PDE4D: variants seen among roughly 807,000 people sequenced by gnomAD.
PDE4D encodes the protein 3',5'-cyclic-AMP phosphodiesterase 4D.
Under a neutral mutation model 87.4 loss-of-function variants are expected in PDE4D, and 24 were observed. The ratio of observed to expected loss-of-function variants is 0.27; its 90% confidence interval spans 0.20 to 0.39. The LOEUF (loss-of-function observed/expected upper bound fraction) is 0.39. Among genes scored for constraint, PDE4D ranks in the 10% least tolerant of loss-of-function variants. The pLI is 1.00. For synonymous variants in PDE4D, 384 were observed against 383.2 expected, an observed-to-expected ratio of 1.00 and a Z score of -0.02; for missense variants, 714 against 1,041.0, an observed-to-expected ratio of 0.69 and a Z score of 4.32.
At chr5:60,072,750 T>G (rs1239775556) in intron 2 of PDE4D, among the ~76,000 whole-genome samples, 1 of 152,138 alleles carries the variant, frequency 6.6e-6, no homozygotes, top group Non-Finnish European at 1.5e-5. Context: ...TCAGCATCAT[T>G]TATTGAATAG....
intron 1 of PDE4D, chr5:59,586,852 CCTT>C: frequency 1.0e-6 from 1 of 985,400 alleles, no homozygotes; most frequent in Non-Finnish European, 1.2e-6. Flanking sequence ...GCCATGCTGT[CCTT>C]TAGAAATGAA....
At chr5:59,148,634 G>C (rs1235458837) in intron 5 of PDE4D, among the ~76,000 whole-genome samples, 1 of 152,054 alleles carries the variant, frequency 6.6e-6, no homozygotes, top group African/African-American at 2.4e-5. Context: ...CATATAACCT[G>C]TCCTGTCTGG....
intron 1 of PDE4D, among the ~76,000 whole-genome samples, chr5:59,378,237 A>C (rs1785067676): frequency 2.0e-5 from 3 of 152,244 alleles, no homozygotes; most frequent in African/African-American, 7.2e-5. Flanking sequence ...TGATGTGAAC[A>C]CATGGACACA....
At chr5:60,197,725 A>G (rs565485485) in intron 1 of PDE4D, among the ~76,000 whole-genome samples, 17 of 151,804 alleles carry the variant, frequency 1.1e-4, no homozygotes, top group Non-Finnish European at 4.4e-5. Flanking sequence ...CAAACAGAAG[A>G]AAAGCAAGGC....
intron 1 of PDE4D, among the ~76,000 whole-genome samples, chr5:60,474,149 T>TATAA (rs1212803987): frequency 1.1e-5 from 1 of 94,428 alleles, no homozygotes; most frequent in African/African-American, 6.9e-5. Flanking sequence ...TATATATATA[T>TATAA]AACAAAAACC....
chr5:60,427,212 C>T (rs1743799097), intron 1 of PDE4D, among the ~76,000 whole-genome samples: 1 of 151,904 alleles, frequency 6.6e-6, no homozygotes, highest in Non-Finnish European at 1.5e-5. Flanking sequence ...TTTAGCAAAC[C>T]CCAAGAAGAA....
chr5:59,668,677 C>T (rs924133683), intron 1 of PDE4D, among the ~76,000 whole-genome samples: 2 of 150,228 alleles, frequency 1.3e-5, no homozygotes, highest in East Asian at 3.9e-4. Flanking sequence ...CACTGCACTC[C>T]AGCCTGGACA....
chr5:60,048,059 T>A (rs1211614037), intron 2 of PDE4D, among the ~76,000 whole-genome samples: 2 of 152,160 alleles, frequency 1.3e-5, no homozygotes, highest in East Asian at 3.8e-4. Flanking sequence ...CTGTATTGGG[T>A]GCATATATAT....
intron 1 of PDE4D, among the ~76,000 whole-genome samples, chr5:59,397,959 G>A (rs1354534865): frequency 8.3e-6 from 1 of 120,382 alleles, no homozygotes; most frequent in African/African-American, 3.3e-5. Context: ...ACACCTCTAT[G>A]CAAATAAACT....
intron 3 of PDE4D, among the ~76,000 whole-genome samples, chr5:59,982,370 GT>G (rs1762009643): frequency 6.6e-6 from 1 of 152,114 alleles, no homozygotes; most frequent in African/African-American, 2.4e-5. Context: ...TGAAATGTAA[GT>G]AGAGAGTTTT....
At chr5:60,361,397 A>T (rs896077805) in intron 1 of PDE4D, among the ~76,000 whole-genome samples, 1 of 152,224 alleles carries the variant, frequency 6.6e-6, no homozygotes, top group African/African-American at 2.4e-5. Flanking sequence ...TATATTAAAG[A>T]ATGAAATCAT....
chr5:59,940,635 G>C (rs1757078356), intron 3 of PDE4D, among the ~76,000 whole-genome samples: 1 of 152,110 alleles, frequency 6.6e-6, no homozygotes, highest in African/African-American at 2.4e-5. Flanking sequence ...ATTTTTGGTA[G>C]TATTTAATCA....
chr5:59,157,891 G>A (rs1205881838), intron 5 of PDE4D, among the ~76,000 whole-genome samples: 3 of 152,134 alleles, frequency 2.0e-5, no homozygotes, highest in Non-Finnish European at 4.4e-5. Context: ...AAAGAGTTTA[G>A]GGACAGAAAA....
intron 2 of PDE4D, among the ~76,000 whole-genome samples, chr5:60,067,503 TAAGAA>T (rs2152893287): frequency 6.6e-6 from 1 of 152,242 alleles, no homozygotes; most frequent in East Asian, 1.9e-4. Flanking sequence ...TAATTGAGTT[TAAGAA>T]AAGAAAGGAA....
At chr5:59,807,292 G>A (rs982742552) in intron 1 of PDE4D, among the ~76,000 whole-genome samples, 4 of 152,168 alleles carry the variant, frequency 2.6e-5, no homozygotes, top group Admixed American at 1.3e-4. Flanking sequence ...GTCACGCAGA[G>A]CCCCAAACCA....
intron 5 of PDE4D, among the ~76,000 whole-genome samples, chr5:59,130,409 A>G (rs555414641): frequency 1.3e-5 from 2 of 152,374 alleles, no homozygotes; most frequent in South Asian, 4.1e-4. Context: ...CATCTCGTAA[A>G]GCACATTTTC....
At chr5:60,017,050 T>C (rs1765589021) in intron 2 of PDE4D, among the ~76,000 whole-genome samples, 1 of 152,232 alleles carries the variant, frequency 6.6e-6, no homozygotes, top group Non-Finnish European at 1.5e-5. Flanking sequence ...GCAGAATGAA[T>C]GTTGTTTTTG....
intron 1 of PDE4D, among the ~76,000 whole-genome samples, chr5:59,546,740 A>T (rs530912173): frequency 2.0e-5 from 3 of 152,270 alleles, no homozygotes; most frequent in African/African-American, 7.2e-5. Context: ...CTTCATAAAA[A>T]CACCAATTTA....
chr5:59,055,671 T>C (rs1762228808), intron 5 of PDE4D, among the ~76,000 whole-genome samples: 4 of 152,292 alleles, frequency 2.6e-5, no homozygotes, highest in African/African-American at 9.6e-5. Context: ...GGAATCAGTC[T>C]TGAGATAACT....
Sources: allele counts gnomAD v4.1 joint callset (sites outside exome capture counted in the v4.1 genomes callset), GRCh38; gene constraint gnomAD v4.1.1; transcripts MANE v1.5; gene names NCBI Gene and HGNC (gene_info 2026-07-23, HGNC 2026-07-21).